The following HDAC9 variants were observed in gnomAD, a reference collection of about 807,000 sequenced individuals.
The protein encoded by HDAC9 is histone deacetylase 9.
Under a neutral mutation model 139.4 loss-of-function variants are expected in HDAC9, and 41 were observed. The ratio of observed to expected loss-of-function variants is 0.29; its 90% CI spans 0.23 to 0.38. The LOEUF (loss-of-function observed/expected upper bound fraction) is 0.38. Ranked by LOEUF, HDAC9 falls within the 10% of genes least tolerant of loss-of-function variation. The probability of loss-of-function intolerance (pLI) is 1.00; values close to 1 mark genes in which losing one functional copy is unlikely to be tolerated. For synonymous variants in HDAC9, 517 were observed against 476.2 expected (o/e 1.09, Z -1.12); for missense variants, 1,147 against 1,297.0 (o/e 0.88, Z 1.78).
intron 25 of HDAC9, among the ~76,000 whole-genome samples, chr7:18,979,402 T>A (rs1006555105): frequency 1.3e-5 from 2 of 152,170 alleles, no homozygotes; most frequent in African/African-American, 4.8e-5. Flanking sequence ...CCCATCCCAA[T>A]GGGATTGTGT....
chr7:18,271,605 T>C (rs1314487142), intron 2 of HDAC9, among the ~76,000 whole-genome samples: 1 of 152,206 alleles, frequency 6.6e-6, no homozygotes, highest in East Asian at 1.9e-4. Context: ...TCCCTCAGCA[T>C]GAAGCACATT....
chr7:18,142,726 A>T (rs1357345833), intron 1 of HDAC9, among the ~76,000 whole-genome samples: 2 of 152,230 alleles, frequency 1.3e-5, no homozygotes, highest in Non-Finnish European at 2.9e-5. Context: ...CAGGTGGCCC[A>T]TAGGGCTGCA....
chr7:18,591,465 C>CTGTGTGTGTG (rs1477952524), intron 4 of HDAC9, 51 bp from the exon 5 acceptor site: 1 of 1,474,290 alleles, frequency 6.8e-7, no homozygotes. Flanking sequence ...ACATCTGTTT[C>CTGTGTGTGTG]TGTGTGTGTA....
At chr7:18,122,326 A>G (rs559660339) in intron 1 of HDAC9, among the ~76,000 whole-genome samples, 3 of 152,194 alleles carry the variant, frequency 2.0e-5, no homozygotes, top group Non-Finnish European at 4.4e-5. Flanking sequence ...CGGGAGAAGA[A>G]GATGTAAAGT....
At chr7:18,990,379 C>A (rs533353875) in intron 25 of HDAC9, among the ~76,000 whole-genome samples, 1 of 152,322 alleles carries the variant, frequency 6.6e-6, no homozygotes, top group East Asian at 1.9e-4. Flanking sequence ...GGGTCAGGGA[C>A]CCACTTGAGG....
chr7:18,176,247 C>A (rs549785525), intron 2 of HDAC9, among the ~76,000 whole-genome samples: 1 of 152,248 alleles, frequency 6.6e-6, no homozygotes, highest in South Asian at 2.1e-4. Context: ...ATTTCCTTCC[C>A]TGTGTTTTTC....
chr7:18,178,437 G>A (rs1410829445), intron 2 of HDAC9, among the ~76,000 whole-genome samples: 2 of 152,142 alleles, frequency 1.3e-5, no homozygotes, highest in Non-Finnish European at 2.9e-5. Flanking sequence ...CATTGCAATA[G>A]GGTAGTCATT....
rs181003483 is a variant in HDAC9, at chr7:18,897,893, T to C, written c.2803+23297T>C. Among the ~76,000 whole-genome samples the C allele has an allele frequency of 3.8e-3, 582 of 152,012 alleles. 2 individuals carry two copies. Among genetic ancestry groups the C allele is most frequent in the African/African-American group, 0.013 (533 of 41,546 alleles). On this transcript the variant is annotated intron_variant, in intron 22 of 25. Coordinates refer to ENST00000686413, the MANE Select transcript of HDAC9 (RefSeq NM_178425.4). ...GGGAACCATGCATGGATCCAATGCT[T>C]TTAAATATCGTGTCCATGTGTGATC...
intron 1 of HDAC9, among the ~76,000 whole-genome samples, chr7:18,323,435 C>A (rs1164099732): frequency 6.6e-6 from 1 of 152,132 alleles, no homozygotes; most frequent in Non-Finnish European, 1.5e-5. Flanking sequence ...AAGGGATACA[C>A]ACCTCACCCA....
At chr7:18,249,221 G>T (rs1276524059) in intron 2 of HDAC9, among the ~76,000 whole-genome samples, 2 of 152,102 alleles carry the variant, frequency 1.3e-5, no homozygotes, top group African/African-American at 2.4e-5. Flanking sequence ...TCTTTCTTCA[G>T]TCTGGGTGTG....
intron 1 of HDAC9, among the ~76,000 whole-genome samples, chr7:18,111,095 G>A (rs1257496104): frequency 6.6e-6 from 1 of 152,206 alleles, no homozygotes; most frequent in Non-Finnish European, 1.5e-5. Flanking sequence ...TGACTCTGAG[G>A]ATGTGGCAAG....
intron 6 of HDAC9, among the ~76,000 whole-genome samples, chr7:18,613,562 A>G (rs2128917454): frequency 6.6e-6 from 1 of 152,314 alleles, no homozygotes; most frequent in South Asian, 2.1e-4. Flanking sequence ...GAAAAAAACA[A>G]AAATTCATTG....
At chr7:18,761,478 T>C (rs999304434) in intron 14 of HDAC9, among the ~76,000 whole-genome samples, 1 of 152,144 alleles carries the variant, frequency 6.6e-6, no homozygotes, top group African/African-American at 2.4e-5. Flanking sequence ...AAAAGTGAAA[T>C]AAATATTGAA....
chr7:18,484,853 TAAA>T (rs71553929), intron 1 of HDAC9, among the ~76,000 whole-genome samples: 1 of 139,276 alleles, frequency 7.2e-6, no homozygotes, highest in Admixed American at 7.1e-5. Flanking sequence ...ACCCCACCTG[TAAA>T]AAAAAAAAAA....
chr7:18,510,213 A>C (rs764732619), intron 2 of HDAC9, among the ~76,000 whole-genome samples: 12 of 152,192 alleles, frequency 7.9e-5, no homozygotes, highest in Admixed American at 1.3e-4. Context: ...TAAATGCTTC[A>C]GTTATTCTTA....
In HDAC9 at chr7:18,604,086, C is replaced by T. The variant is rs1476749454; in HGVS notation, c.664+10057C>T. On this transcript the variant is annotated intron_variant, in intron 6 of 25. Transcript: ENST00000686413. ...CTTCTGCAATTTGAACATGATATGT[C>T]TCGATACTGAGTTTTTGGTATTTAT... is the stretch of plus-strand genomic sequence containing the variant. Among the ~76,000 whole-genome samples, 6 of 152,020 alleles carry T rather than the reference C, an allele frequency of 3.9e-5. No homozygotes were observed. The East Asian group carries it at 1.2e-3, about 29-fold the overall frequency.
At chr7:18,543,168 G>C (rs1813584843) in intron 2 of HDAC9, 1 of 151,840 alleles carries the variant, frequency 6.6e-6, no homozygotes, top group Non-Finnish European at 1.5e-5. Flanking sequence ...TTTCTCTCTA[G>C]GTTTCCTTCC....
intron 14 of HDAC9, among the ~76,000 whole-genome samples, chr7:18,757,605 C>T (rs777157063): frequency 6.6e-6 from 1 of 152,132 alleles, no homozygotes; most frequent in Non-Finnish European, 1.5e-5. Flanking sequence ...TCTGATTCCT[C>T]CAGGGCCAAT....
At chr7:18,114,399 G>C (rs1783829522) in intron 1 of HDAC9, among the ~76,000 whole-genome samples, 1 of 152,182 alleles carries the variant, frequency 6.6e-6, no homozygotes, top group Non-Finnish European at 1.5e-5. Flanking sequence ...GAGAATGACT[G>C]TTGTTAGCCA....
Sources: gnomAD v4.1 joint callset for allele counts (sites outside exome capture counted in the v4.1 genomes callset) on GRCh38, gnomAD v4.1.1 for gene constraint, MANE v1.5 for transcripts, NCBI Gene and HGNC (gene_info 2026-07-23, HGNC 2026-07-21) for gene names.